The following AUTS2 variants were observed in gnomAD, a reference collection of about 807,000 sequenced individuals.
The protein encoded by AUTS2 is activator of transcription and developmental regulator AUTS2.
AUTS2 carries 17 observed loss-of-function variants against 112.4 expected under a neutral mutation model. The ratio of observed to expected loss-of-function variants is 0.15; its 90% confidence interval spans 0.10 to 0.23. The LOEUF is 0.23. Among genes scored for constraint, AUTS2 ranks in the 10% least tolerant of loss-of-function variants. The pLI is 1.00. For synonymous variants in AUTS2, 751 were observed against 702.7 expected (o/e 1.07, Z -1.09); for missense variants, 1,510 against 1,701.6 (o/e 0.89, Z 1.98).
intron 4 of AUTS2, among the ~76,000 whole-genome samples, chr7:70,304,258 T>A (rs1257225686): frequency 1.3e-5 from 2 of 152,214 alleles, no homozygotes; most frequent in Non-Finnish European, 2.9e-5. Flanking sequence ...GCCTGTAGTC[T>A]AAAGACCCAG....
chr7:69,907,773 T>A (rs1011441164), intron 2 of AUTS2, among the ~76,000 whole-genome samples: 1 of 152,184 alleles, frequency 6.6e-6, no homozygotes, highest in African/African-American at 2.4e-5. Context: ...TTAAAGGCAG[T>A]TGGAGCCCAG....
intron 4 of AUTS2, among the ~76,000 whole-genome samples, chr7:70,185,432 A>G (rs548882119): frequency 6.6e-6 from 1 of 152,032 alleles, no homozygotes; most frequent in South Asian, 2.1e-4. Context: ...TTTTTCTGAC[A>G]GTAACTAAGA....
At chr7:70,724,442 A>ATTTTTTTT (rs1563153741) in intron 6 of AUTS2, among the ~76,000 whole-genome samples, 2 of 95,942 alleles carry the variant, frequency 2.1e-5, no homozygotes, top group Non-Finnish European at 4.3e-5. Flanking sequence ...TTTCATCCTG[A>ATTTTTTTT]CTTTTTTTTT....
intron 1 of AUTS2, among the ~76,000 whole-genome samples, chr7:69,831,049 G>A (rs1027231272): frequency 6.6e-6 from 1 of 152,208 alleles, no homozygotes; most frequent in African/African-American, 2.4e-5. Context: ...ACTGGAGTCA[G>A]TATTCAACAG....
At chr7:70,448,633 A>G (rs931072974) in intron 5 of AUTS2, among the ~76,000 whole-genome samples, 1 of 152,242 alleles carries the variant, frequency 6.6e-6, no homozygotes, top group Non-Finnish European at 1.5e-5. Flanking sequence ...GTCGTTTAGA[A>G]TGCAGCAATA....
chr7:70,338,250 A>G (rs1232113991), intron 4 of AUTS2, among the ~76,000 whole-genome samples: 2 of 152,220 alleles, frequency 1.3e-5, no homozygotes, highest in Non-Finnish European at 2.9e-5. Context: ...CAGATTTGAC[A>G]GAGTAAGTGC....
intron 2 of AUTS2, among the ~76,000 whole-genome samples, chr7:69,957,921 A>AGC (rs1797281572): frequency 6.6e-6 from 1 of 152,140 alleles, no homozygotes; most frequent in Non-Finnish European, 1.5e-5. Context: ...GGAATTCAGC[A>AGC]CCCTTTCAGC....
chr7:69,638,673 T>G (rs1231072247), intron 1 of AUTS2, among the ~76,000 whole-genome samples: 2 of 152,226 alleles, frequency 1.3e-5, no homozygotes, highest in African/African-American at 4.8e-5. Flanking sequence ...CTATCCTATT[T>G]CATTCACAGT....
intron 4 of AUTS2, among the ~76,000 whole-genome samples, chr7:70,308,132 AT>A (rs1221448522): frequency 6.6e-6 from 1 of 152,216 alleles, no homozygotes; most frequent in Non-Finnish European, 1.5e-5. Flanking sequence ...GTCTTCAAGT[AT>A]TTGAAACAAG....
At chr7:70,278,622 CATAT>C (rs1368301405) in intron 4 of AUTS2, among the ~76,000 whole-genome samples, 7 of 151,346 alleles carry the variant, frequency 4.6e-5, no homozygotes, top group Admixed American at 1.3e-4. Context: ...TACATACATA[CATAT>C]GTACATGCAT....
At chr7:70,361,910 ATACCCAT>A (rs1260155295) in intron 4 of AUTS2, among the ~76,000 whole-genome samples, 1 of 152,234 alleles carries the variant, frequency 6.6e-6, no homozygotes, top group Non-Finnish European at 1.5e-5. Flanking sequence ...ATTCATATAC[ATACCCAT>A]GCTCTCACAC....
chr7:69,887,107 A>T (rs916006542), intron 1 of AUTS2, among the ~76,000 whole-genome samples: 1 of 152,158 alleles, frequency 6.6e-6, no homozygotes, highest in Non-Finnish European at 1.5e-5. Flanking sequence ...CCAGAGCTAG[A>T]CATACTTATT....
At chr7:70,009,257 A>G (rs1584569985) in intron 2 of AUTS2, among the ~76,000 whole-genome samples, 1 of 152,218 alleles carries the variant, frequency 6.6e-6, no homozygotes, top group East Asian at 1.9e-4. Context: ...ACGTTAATTC[A>G]CTCATGAAGG....
At chr7:70,311,443 G>A (rs114013104) in intron 4 of AUTS2, among the ~76,000 whole-genome samples, 2,448 of 152,312 alleles carry the variant, frequency 0.016, 20 homozygotes, top group African/African-American at 0.028. Context: ...CTGTTTTTCT[G>A]GTACTTGCAG....
intron 4 of AUTS2, among the ~76,000 whole-genome samples, chr7:70,328,385 T>C (rs1476324450): frequency 6.6e-6 from 1 of 151,918 alleles, no homozygotes; most frequent in Non-Finnish European, 1.5e-5. Context: ...CCACACCTGG[T>C]TTATTATTTT....
intron 2 of AUTS2, among the ~76,000 whole-genome samples, chr7:69,906,959 T>C (rs1482999912): frequency 1.3e-5 from 2 of 151,882 alleles, no homozygotes; most frequent in African/African-American, 4.8e-5. Context: ...ATAAAAAAAT[T>C]AGCTGGGCAT....
In AUTS2 at chr7:70,781,375, A is replaced by AAAAAC. The variant is rs1563195074; in HGVS notation, c.2005-236_2005-235insCAAAA. ...GGGAGACTCCGTCACAAAAAAAAAA[A>AAAAAC]AAAAAAAAACCAGACCAAACACTAG... On this transcript the variant is annotated intron_variant, in intron 14 of 18. Transcript: ENST00000342771. 54 of 348,414 alleles carry AAAAAC rather than the reference A, an allele frequency of 1.5e-4. 1 individual carries two copies. The East Asian group carries it at 3.6e-3, about 23-fold the overall frequency. 21.6% of individuals were successfully genotyped at this position (348,414 alleles called of 1,614,324 possible). A position where few individuals can be genotyped will look rare whatever the true frequency, so the allele number is the denominator to read the frequency against.
chr7:69,896,104 C>A (rs1452088141), intron 1 of AUTS2, among the ~76,000 whole-genome samples: 1 of 152,234 alleles, frequency 6.6e-6, no homozygotes, highest in Non-Finnish European at 1.5e-5. Flanking sequence ...CTCTTTATGG[C>A]AGCTATTTTG....
chr7:70,673,205 G>A (rs980721470), intron 5 of AUTS2, among the ~76,000 whole-genome samples: 1 of 152,116 alleles, frequency 6.6e-6, no homozygotes. Flanking sequence ...CAATCCCTAA[G>A]GAATCCAAAT....
Sources: gnomAD v4.1 joint callset for allele counts (sites outside exome capture counted in the v4.1 genomes callset) on GRCh38, gnomAD v4.1.1 for gene constraint, MANE v1.5 for transcripts, NCBI Gene and HGNC (gene_info 2026-07-23, HGNC 2026-07-21) for gene names.